KCNIP1: variants seen among roughly 807,000 people sequenced by gnomAD.
KCNIP1 encodes potassium voltage-gated channel interacting protein 1.
A neutral mutation model predicts 33.0 loss-of-function variants in KCNIP1; 18 were observed. That is an observed-to-expected ratio of 0.55 (90% confidence interval 0.38 to 0.81). The LOEUF is 0.81. Among genes scored for constraint, KCNIP1 ranks in the 30% least tolerant of loss-of-function variants. The pLI is 0.00. For missense variants in KCNIP1, 238 were observed against 271.6 expected (o/e 0.88, Z 0.87); for synonymous variants, 93 against 98.3 (o/e 0.95, Z 0.32).
intron 1 of KCNIP1, among the ~76,000 whole-genome samples, chr5:170,509,822 T>C (rs1754868575): frequency 1.3e-5 from 2 of 152,218 alleles, no homozygotes; most frequent in Admixed American, 6.5e-5. Flanking sequence ...TACTGGTAGG[T>C]GTATAGTGTC....
At chr5:170,533,719 G>A (rs1755865198) in intron 1 of KCNIP1, among the ~76,000 whole-genome samples, 1 of 152,230 alleles carries the variant, frequency 6.6e-6, no homozygotes, top group African/African-American at 2.4e-5. Flanking sequence ...TGGCTTAGGT[G>A]AGAGCTCTGG....
intron 1 of KCNIP1, among the ~76,000 whole-genome samples, chr5:170,545,483 C>T (rs1005300096): frequency 2.6e-5 from 4 of 152,016 alleles, no homozygotes; most frequent in African/African-American, 9.7e-5. Context: ...CTCTTCTTGC[C>T]TTCTGGGACT....
chr5:170,378,610 G>C, intron 1 of KCNIP1: 2 of 1,306,278 alleles, frequency 1.5e-6, no homozygotes, highest in Non-Finnish European at 2.1e-6. Context: ...GGGAGGGCAG[G>C]TGGAGAAGGC....
intron 1 of KCNIP1, among the ~76,000 whole-genome samples, chr5:170,370,749 G>C (rs1399705889): frequency 6.6e-6 from 1 of 152,242 alleles, no homozygotes; most frequent in East Asian, 1.9e-4. Flanking sequence ...AGAGGCTCCT[G>C]TGAGGTCAGG....
At chr5:170,412,007 T>C (rs1237724010) in intron 1 of KCNIP1, among the ~76,000 whole-genome samples, 1 of 152,156 alleles carries the variant, frequency 6.6e-6, no homozygotes, top group Non-Finnish European at 1.5e-5. Context: ...GCAGTACTAG[T>C]TCCCCCATGC....
chr5:170,645,458 G>T (rs1433567794), intron 1 of KCNIP1, among the ~76,000 whole-genome samples: 1 of 152,080 alleles, frequency 6.6e-6, no homozygotes, highest in African/African-American at 2.4e-5. Flanking sequence ...ACAACCGAGG[G>T]TCAACATACA....
intron 1 of KCNIP1, among the ~76,000 whole-genome samples, chr5:170,522,004 A>G (rs370287957): frequency 2.0e-5 from 3 of 152,322 alleles, no homozygotes; most frequent in East Asian, 3.9e-4. Context: ...GCCCAGGAAC[A>G]ACTCTAGTCT....
chr5:170,682,784 C>CTT (rs70979196), intron 1 of KCNIP1, among the ~76,000 whole-genome samples: 783 of 71,326 alleles, frequency 0.011, 107 homozygotes, highest in African/African-American at 0.028. Context: ...TTCTTTGTTT[C>CTT]TTTTTTTTTT....
intron 1 of KCNIP1, among the ~76,000 whole-genome samples, chr5:170,654,217 C>T (rs1276911729): frequency 6.6e-6 from 1 of 152,174 alleles, no homozygotes; most frequent in Non-Finnish European, 1.5e-5. Flanking sequence ...AGCTCTTCTG[C>T]TGTGGAGGAT....
intron 1 of KCNIP1, among the ~76,000 whole-genome samples, chr5:170,529,145 A>G (rs1755693425): frequency 6.6e-6 from 1 of 152,206 alleles, no homozygotes; most frequent in African/African-American, 2.4e-5. Flanking sequence ...AGAGCTGAAT[A>G]CAGGTGCTCA....
At chr5:170,562,151 G>A (rs145468179) in intron 1 of KCNIP1, among the ~76,000 whole-genome samples, 145 of 152,268 alleles carry the variant, frequency 9.5e-4, no homozygotes, top group East Asian at 3.3e-3. Flanking sequence ...AGAGGCAGCC[G>A]GCCCACCCTG....
chr5:170,445,005 G>A (rs1402231387), intron 1 of KCNIP1, among the ~76,000 whole-genome samples: 1 of 152,216 alleles, frequency 6.6e-6, no homozygotes, highest in African/African-American at 2.4e-5. Flanking sequence ...AGTCATGAAA[G>A]AGCACTCAGC....
At chr5:170,593,669 C>T (rs78503442) in intron 1 of KCNIP1, among the ~76,000 whole-genome samples, 2,730 of 152,294 alleles carry the variant, frequency 0.018, 48 homozygotes, top group Non-Finnish European at 0.031. Context: ...GGTGTGTTTT[C>T]CACCCTCCCA....
At chr5:170,686,125 G>C (rs1561764958) in intron 1 of KCNIP1, among the ~76,000 whole-genome samples, 1 of 152,232 alleles carries the variant, frequency 6.6e-6, no homozygotes, top group East Asian at 1.9e-4. Context: ...CAGATTCCTA[G>C]TACTGACATA....
intron 1 of KCNIP1, among the ~76,000 whole-genome samples, chr5:170,615,480 C>G (rs1304117275): frequency 1.3e-5 from 2 of 152,180 alleles, no homozygotes; most frequent in African/African-American, 4.8e-5. Context: ...ATGGAGCTGG[C>G]ATTTTCATTA....
intron 1 of KCNIP1, among the ~76,000 whole-genome samples, chr5:170,456,701 T>TTTTCTTTCTTTCTTTCTTTCTTTCTTTC (rs147202327): frequency 0.048 from 6,477 of 135,692 alleles, 448 homozygotes; most frequent in African/African-American, 0.098. Context: ...CTCTCTCTCT[T>TTTTCTTTCTTTCTTTCTTTCTTTCTTTC]TTTCTTTCTT....
At chr5:170,734,005 C>A in intron 7 of KCNIP1, 107 bp downstream of exon 7, 1 of 806,982 alleles carries the variant, frequency 1.2e-6, no homozygotes, top group Non-Finnish European at 2.0e-6. Context: ...TACCTGCAAC[C>A]CCTCCCATCA....
chr5:170,548,249 A>C (rs1756487971), intron 1 of KCNIP1, among the ~76,000 whole-genome samples: 1 of 152,192 alleles, frequency 6.6e-6, no homozygotes, highest in African/African-American at 2.4e-5. Flanking sequence ...TAAGCATATA[A>C]ATTTTGCCAT....
chr5:170,482,920 G>C, intron 1 of KCNIP1: 1 of 344,616 alleles, frequency 2.9e-6, no homozygotes, highest in Non-Finnish European at 5.7e-6. Flanking sequence ...CTTCTGTCCT[G>C]AGAGGTTTTA....
Sources: allele counts gnomAD v4.1 joint callset (sites outside exome capture counted in the v4.1 genomes callset), GRCh38; gene constraint gnomAD v4.1.1; transcripts MANE v1.5; gene names NCBI Gene and HGNC (gene_info 2026-07-23, HGNC 2026-07-21).